PDSS2: variants seen among roughly 807,000 people sequenced by gnomAD.
The protein encoded by PDSS2 is decaprenyl diphosphate synthase subunit 2.
PDSS2 carries 31 observed loss-of-function variants against 44.5 expected under a neutral mutation model. The ratio of observed to expected loss-of-function variants is 0.70; its 90% confidence interval spans 0.52 to 0.94. The LOEUF (loss-of-function observed/expected upper bound fraction) is 0.94, where lower values mean the gene tolerates loss of function less well. Ranked by LOEUF, PDSS2 falls within the 40% of genes least tolerant of loss-of-function variation. The probability of loss-of-function intolerance (pLI) is 0.00; values close to 1 mark genes in which losing one functional copy is unlikely to be tolerated. For synonymous variants in PDSS2, 157 were observed against 180.3 expected (o/e 0.87, Z 1.03); for missense variants, 452 against 482.2 (o/e 0.94, Z 0.59).
intron 6 of PDSS2, among the ~76,000 whole-genome samples, chr6:107,208,714 C>A (rs534164398): frequency 6.6e-6 from 1 of 151,336 alleles, no homozygotes; most frequent in South Asian, 2.1e-4. Context: ...GTGTGCACCA[C>A]CACGCCCAGC....
At chr6:107,337,035 C>T (rs1027574458) in intron 1 of PDSS2, among the ~76,000 whole-genome samples, 1 of 80,398 alleles carries the variant, frequency 1.2e-5, no homozygotes, top group Non-Finnish European at 2.8e-5. Context: ...GGACCTTTCA[C>T]ATACCACACA....
chr6:107,221,080 C>A (rs1773586766), intron 4 of PDSS2, among the ~76,000 whole-genome samples: 1 of 152,170 alleles, frequency 6.6e-6, no homozygotes, highest in Admixed American at 6.5e-5. Flanking sequence ...CGGTGGCTCA[C>A]GCCTGTAATC....
At chr6:107,337,003 A>G (rs1464366340) in intron 1 of PDSS2, among the ~76,000 whole-genome samples, 1 of 146,888 alleles carries the variant, frequency 6.8e-6, no homozygotes, top group Non-Finnish European at 1.5e-5. Context: ...TTTTAACAAT[A>G]TCTTCAAACT....
At chr6:107,330,235 A>G (rs74891097) in intron 2 of PDSS2, among the ~76,000 whole-genome samples, 3,240 of 152,186 alleles carry the variant, frequency 0.021, 139 homozygotes, top group East Asian at 0.19. Flanking sequence ...CAACATTTTT[A>G]TGGCCAGGAA....
chr6:107,283,515 G>A (rs1022971584), intron 2 of PDSS2, among the ~76,000 whole-genome samples: 1 of 151,966 alleles, frequency 6.6e-6, no homozygotes, highest in Non-Finnish European at 1.5e-5. Flanking sequence ...GAGGTTGGGA[G>A]TTCGACACCA....
intron 7 of PDSS2, among the ~76,000 whole-genome samples, chr6:107,176,326 C>A (rs1329900780): frequency 6.6e-6 from 1 of 151,858 alleles, no homozygotes; most frequent in East Asian, 1.9e-4. Context: ...ACAGGTTGAG[C>A]CCCTGCGCCC....
In PDSS2 at chr6:107,165,880, C is replaced by T. The variant is rs1255475700; in HGVS notation, c.1042-11103G>A. Among the ~76,000 whole-genome samples the T allele has an allele frequency of 3.3e-5, 5 of 152,146 alleles. No homozygotes were observed. In the East Asian group the frequency reaches 5.8e-4, roughly 18 times the overall value. Reference sequence around the variant, plus strand: ...TAGTTTTCCTTGAAGAGGTCCTTCACATCCCTTGTAAGTTGGATTCCTAGG... The same window carrying T: ...TAGTTTTCCTTGAAGAGGTCCTTCATATCCCTTGTAAGTTGGATTCCTAGG... On this transcript the variant is annotated intron_variant, in intron 7 of 7. Coordinates refer to ENST00000369037, the MANE Select transcript of PDSS2 (RefSeq NM_020381.4).
At chr6:107,378,177 GA>G (rs1022790101) in intron 1 of PDSS2, among the ~76,000 whole-genome samples, 2 of 149,976 alleles carry the variant, frequency 1.3e-5, no homozygotes, top group Non-Finnish European at 3.0e-5. Flanking sequence ...ACTTAATTGT[GA>G]AAAAAATGAA....
rs922452307 is a variant in PDSS2, at chr6:107,434,875, G to A, written c.296+24115C>T. On this transcript the variant is annotated intron_variant, in intron 1 of 7. Transcript: ENST00000369037. ...CCTCCATATATATACGTGTGTGTGT[G>A]TATATATATACATATATACCTCCAT... Among the ~76,000 whole-genome samples the A allele has an allele frequency of 5.9e-5, 9 of 151,442 alleles. No homozygotes were observed. The East Asian group carries it at 7.7e-4, about 13-fold the overall frequency.
At chr6:107,162,197 A>G in intron 7 of PDSS2, among the ~76,000 whole-genome samples, 1 of 152,080 alleles carries the variant, frequency 6.6e-6, no homozygotes, top group Non-Finnish European at 1.5e-5. Context: ...TAACTAGAAA[A>G]ACTAATTAGA....
chr6:107,362,753 G>A (rs1188257781), intron 1 of PDSS2, among the ~76,000 whole-genome samples: 2 of 152,082 alleles, frequency 1.3e-5, no homozygotes, highest in Non-Finnish European at 2.9e-5. Flanking sequence ...TTATAAATAT[G>A]CTCAAAAAAC....
chr6:107,377,023 C>A (rs1387805274), intron 1 of PDSS2, among the ~76,000 whole-genome samples: 4 of 150,472 alleles, frequency 2.7e-5, no homozygotes, highest in East Asian at 2.0e-4. Flanking sequence ...GCAACAAAAG[C>A]CAAAATTGAC....
chr6:107,315,350 G>A (rs1292197429), intron 2 of PDSS2, among the ~76,000 whole-genome samples: 1 of 152,156 alleles, frequency 6.6e-6, no homozygotes, highest in African/African-American at 2.4e-5. Flanking sequence ...CTGAATTACT[G>A]GCAGGATAAA....
chr6:107,169,590 T>C (rs1312908763), intron 7 of PDSS2, among the ~76,000 whole-genome samples: 4 of 152,190 alleles, frequency 2.6e-5, no homozygotes, highest in African/African-American at 9.6e-5. Context: ...TGCTCTGTTT[T>C]TTCCCCATCT....
At chr6:107,222,652 CAAAAAAAA>C (rs567984860) in intron 4 of PDSS2, among the ~76,000 whole-genome samples, 1 of 53,534 alleles carries the variant, frequency 1.9e-5, no homozygotes, top group Non-Finnish European at 3.9e-5. Context: ...AAGACTGTCT[CAAAAAAAA>C]AAAAAAAAAA....
intron 7 of PDSS2, among the ~76,000 whole-genome samples, chr6:107,165,890 A>C (rs1771326958): frequency 6.6e-6 from 1 of 152,092 alleles, no homozygotes; most frequent in Admixed American, 6.6e-5. Context: ...CATCCCTTGT[A>C]AGTTGGATTC....
chr6:107,450,288 A>G (rs1037609229), intron 1 of PDSS2, among the ~76,000 whole-genome samples: 6 of 152,224 alleles, frequency 3.9e-5, no homozygotes, highest in African/African-American at 1.4e-4. Context: ...TTAAAGACAG[A>G]ATTAAAACAG....
chr6:107,444,299 G>A (rs773105883), intron 1 of PDSS2, among the ~76,000 whole-genome samples: 74 of 152,154 alleles, frequency 4.9e-4, no homozygotes, highest in Non-Finnish European at 9.3e-4. Context: ...CCAAAGTGCT[G>A]GGATTACAGG....
At chr6:107,415,552 G>T (rs1780631844) in intron 1 of PDSS2, among the ~76,000 whole-genome samples, 1 of 152,030 alleles carries the variant, frequency 6.6e-6, no homozygotes, top group African/African-American at 2.4e-5. Flanking sequence ...CTGAAAAAGA[G>T]GTAGAGGAGA....
Sources: allele counts gnomAD v4.1 joint callset (sites outside exome capture counted in the v4.1 genomes callset), GRCh38; gene constraint gnomAD v4.1.1; transcripts MANE v1.5; gene names NCBI Gene and HGNC (gene_info 2026-07-23, HGNC 2026-07-21).